The following GPC3 variants were observed in gnomAD, a reference collection of about 807,000 sequenced individuals.
GPC3 encodes glypican 3.
In GPC3, 3 loss-of-function variants were observed where a neutral mutation model predicts 34.4. The observed-to-expected ratio is 0.09, with a 90% CI of 0.04 to 0.23. GPC3 has a LOEUF of 0.23. Ranked by LOEUF, GPC3 falls within the 10% of genes least tolerant of loss-of-function variation. GPC3 has a pLI of 1.00. For synonymous variants in GPC3, 177 were observed against 174.0 expected, an observed-to-expected ratio of 1.02 and a Z score of -0.13; for missense variants, 351 against 445.6, an observed-to-expected ratio of 0.79 and a Z score of 1.91.
chrX:133,820,853 G>A (rs1379756525), intron 2 of GPC3, among the ~76,000 whole-genome samples: 1 of 111,846 alleles, frequency 8.9e-6, no homozygotes, highest in African/African-American at 3.2e-5. Flanking sequence ...AAAGACAGAG[G>A]AGCAAATAGC....
intron 6 of GPC3, among the ~76,000 whole-genome samples, chrX:133,659,107 T>TTA (rs1375334822): frequency 8.9e-6 from 1 of 112,332 alleles, no homozygotes; most frequent in Non-Finnish European, 1.9e-5. Flanking sequence ...TGTGTACATA[T>TTA]TATATATATG....
intron 3 of GPC3, among the ~76,000 whole-genome samples, chrX:133,717,610 A>T (rs1344317941): frequency 6.3e-5 from 7 of 110,668 alleles, no homozygotes; most frequent in Non-Finnish European, 1.3e-4. Flanking sequence ...CCCTCTCACG[A>T]GGACCCCCTT....
At chrX:133,551,574 C>G (rs1400995005) in intron 7 of GPC3, among the ~76,000 whole-genome samples, 3 of 111,621 alleles carry the variant, frequency 2.7e-5, no homozygotes, top group African/African-American at 9.8e-5. Context: ...CCATAATGCT[C>G]TTTTCCACAG....
chrX:133,974,573 T>C (rs948692865), intron 1 of GPC3, among the ~76,000 whole-genome samples: 3 of 111,440 alleles, frequency 2.7e-5, no homozygotes, highest in African/African-American at 9.8e-5. Flanking sequence ...TTGAAGTCTT[T>C]GGCAGGTTTT....
chrX:133,627,502 A>T (rs770548780), intron 6 of GPC3, among the ~76,000 whole-genome samples: 3 of 111,549 alleles, frequency 2.7e-5, no homozygotes, highest in African/African-American at 9.8e-5. Flanking sequence ...ATGGCATAGG[A>T]GGTTGTTATA....
chrX:133,862,394 A>T (rs1182499224), intron 2 of GPC3, among the ~76,000 whole-genome samples: 9 of 109,464 alleles, frequency 8.2e-5, no homozygotes, highest in Non-Finnish European at 3.8e-5. Flanking sequence ...AAAAAAAAAA[A>T]TAGTGGCCGG....
chrX:133,558,940 T>TAAAA (rs1310564840), intron 7 of GPC3, among the ~76,000 whole-genome samples: 1 of 107,246 alleles, frequency 9.3e-6, no homozygotes, highest in African/African-American at 3.5e-5. Flanking sequence ...AATAAATAAA[T>TAAAA]AAAAATAAAT....
chrX:133,686,801 ACACTTGCGCCTG>A (rs1221502705), intron 5 of GPC3, among the ~76,000 whole-genome samples: 1 of 108,664 alleles, frequency 9.2e-6, no homozygotes, highest in Non-Finnish European at 1.9e-5. Flanking sequence ...ACACACACAC[ACACTTGCGCCTG>A]CACACACACA....
chrX:133,922,189 G>T lies in GPC3; in HGVS notation c.337+30861C>A, dbSNP rs1401837204. Among the ~76,000 whole-genome samples the T allele has an allele frequency of 3.6e-5, 4 of 112,509 alleles. No homozygotes were observed. In the South Asian group the frequency reaches 1.5e-3, roughly 41 times the overall value. On this transcript the variant is annotated intron_variant, in intron 2 of 7. Transcript: ENST00000370818. ...TGGCAGCAAGTAGCTCAAGAAGAAT[G>T]ACTTTCTCTTCTTCCTTTTTAAGAG...
intron 2 of GPC3, among the ~76,000 whole-genome samples, chrX:133,914,898 C>T (rs2076216642): frequency 1.1e-5 from 1 of 87,792 alleles, no homozygotes; most frequent in Non-Finnish European, 2.2e-5. Flanking sequence ...AAAAAACAAC[C>T]AGATAATGCA....
rs942645770 is a variant in GPC3, at chrX:133,704,248, A to T, written c.1033-4220T>A. On this transcript the variant is annotated intron_variant, in intron 3 of 7. Transcript: ENST00000370818. Reference sequence around the variant, plus strand: ...ACACAGGAAGAAGATAGGATATTTGAAGTGCCATATTTTCTTCTCAGTTTC... The same window carrying T: ...ACACAGGAAGAAGATAGGATATTTGTAGTGCCATATTTTCTTCTCAGTTTC... 8 of 1,097,676 alleles carry T rather than the reference A, an allele frequency of 7.3e-6. No individual in the cohort carries two copies. In the Admixed American group the frequency reaches 2.0e-4, roughly 27 times the overall value. The allele number at this position is 1,097,676 out of a possible 1,213,427, so 90.5% of individuals were successfully genotyped here. A position where few individuals can be genotyped will look rare whatever the true frequency, so the allele number is the denominator to read the frequency against.
intron 2 of GPC3, among the ~76,000 whole-genome samples, chrX:133,818,073 A>ATTGGAT (rs2075701116): frequency 9.0e-6 from 1 of 111,521 alleles, no homozygotes; most frequent in Admixed American, 9.6e-5. Context: ...ATCAGCTATC[A>ATTGGAT]TTGGATTTAC....
chrX:133,618,700 C>CAA (rs199558969), intron 6 of GPC3, among the ~76,000 whole-genome samples: 4 of 41,459 alleles, frequency 9.6e-5, no homozygotes, highest in Admixed American at 6.5e-4. Context: ...GACACTGTAT[C>CAA]AAAAAAAAAA....
At chrX:133,543,046 G>A (rs1029941298) in intron 7 of GPC3, among the ~76,000 whole-genome samples, 16 of 111,964 alleles carry the variant, frequency 1.4e-4, no homozygotes, top group African/African-American at 5.2e-4. Flanking sequence ...GATCAGATGA[G>A]GAGGACAAGA....
chrX:133,876,711 C>T lies in GPC3; in HGVS notation c.337+76339G>A, dbSNP rs1028317458. 6.3e-5 allele frequency among the ~76,000 whole-genome samples: 7 copies of T among 111,871 alleles called. No individual in the cohort carries two copies. The Admixed American group carries it at 6.6e-4, about 11-fold the overall frequency. Reference sequence around the variant, plus strand: ...ATGAAAACTACTAATGTGGTTAGTCCTTTTGACAGTATTGTTTTGTTTTTG... The same window carrying T: ...ATGAAAACTACTAATGTGGTTAGTCTTTTTGACAGTATTGTTTTGTTTTTG... On this transcript the variant is annotated intron_variant, in intron 2 of 7. Coordinates refer to ENST00000370818, the MANE Select transcript of GPC3 (RefSeq NM_004484.4).
Position 133,591,432 on chromosome X carries a change from C to T in GPC3, c.1573+5008G>A, listed in dbSNP as rs764464514. ...TTGTACCATGAGCCTGGCAGATTGG[C>T]AATGAGTCTCCTCTCCATGAGAAGC... On this transcript the variant is annotated intron_variant, in intron 7 of 7. Transcript: ENST00000370818. 5.4e-5 allele frequency among the ~76,000 whole-genome samples: 6 copies of T among 111,472 alleles called. No homozygotes were observed. In the South Asian group the frequency reaches 2.3e-3, roughly 43 times the overall value.
chrX:133,910,620 T>C (rs2076193831), intron 2 of GPC3, among the ~76,000 whole-genome samples: 2 of 112,170 alleles, frequency 1.8e-5, no homozygotes, highest in Admixed American at 1.9e-4. Flanking sequence ...ATCTTGCCTT[T>C]AAGCATCTCT....
Position 133,803,149 on chromosome X carries a change from A to T in GPC3, c.338-48973T>A, listed in dbSNP as rs2075618666. 3.6e-5 allele frequency among the ~76,000 whole-genome samples: 4 copies of T among 110,014 alleles called. No homozygotes were observed. In the South Asian group the frequency reaches 1.2e-3, roughly 32 times the overall value. ...ACCATGTTGGTCAGGGTGGTCTTGA[A>T]CTCCTGACCTCGTGATCCGCCCACC... On this transcript the variant is annotated intron_variant, in intron 2 of 7. Transcript: ENST00000370818.
At chrX:133,790,217 T>G (rs1227764608) in intron 2 of GPC3, among the ~76,000 whole-genome samples, 1 of 110,743 alleles carries the variant, frequency 9.0e-6, no homozygotes, top group Non-Finnish European at 1.9e-5. Context: ...GAGAAACAAT[T>G]TGAAGGCCCA....
Sources: gnomAD v4.1 joint callset for allele counts (sites outside exome capture counted in the v4.1 genomes callset) on GRCh38, gnomAD v4.1.1 for gene constraint, MANE v1.5 for transcripts, NCBI Gene and HGNC (gene_info 2026-07-23, HGNC 2026-07-21) for gene names.